OSBPL8: variants seen among roughly 807,000 people sequenced by gnomAD.
OSBPL8 encodes oxysterol-binding protein-related protein 8.
A neutral mutation model predicts 125.5 loss-of-function variants in OSBPL8; 59 were observed. The ratio of observed to expected loss-of-function variants is 0.47; its 90% CI spans 0.38 to 0.58. OSBPL8 has a LOEUF of 0.58. Ranked by LOEUF, OSBPL8 falls within the 20% of genes least tolerant of loss-of-function variation. OSBPL8 has a pLI of 0.00. For synonymous variants in OSBPL8, 330 were observed against 338.9 expected, an observed-to-expected ratio of 0.97 and a Z score of 0.29; for missense variants, 758 against 1,047.8, an observed-to-expected ratio of 0.72 and a Z score of 3.82.
At chr12:76,369,149 T>G (rs1163437741) in intron 21 of OSBPL8, 65 bp downstream of exon 21, 1 of 1,547,866 alleles carries the variant, frequency 6.5e-7, no homozygotes, top group Admixed American at 2.1e-5. Context: ...TTTTAGTTGG[T>G]TGCTATAGAT....
intron 2 of OSBPL8, among the ~76,000 whole-genome samples, chr12:76,485,776 C>A (rs1878062388): frequency 6.6e-6 from 1 of 152,104 alleles, no homozygotes; most frequent in Admixed American, 6.6e-5. Context: ...GAGCCTATTT[C>A]CCTACCTCTA....
At chr12:76,556,809 A>G (rs1401485347) in intron 1 of OSBPL8, among the ~76,000 whole-genome samples, 3 of 152,050 alleles carry the variant, frequency 2.0e-5, no homozygotes, top group African/African-American at 4.8e-5. Context: ...GATTACAGGC[A>G]CACACTGCCA....
At chr12:76,371,047 G>C (rs1952600820) in intron 19 of OSBPL8, among the ~76,000 whole-genome samples, 1 of 152,086 alleles carries the variant, frequency 6.6e-6, no homozygotes, top group African/African-American at 2.4e-5. Context: ...CTTTACTTTT[G>C]TATCAGAGAA....
intron 1 of OSBPL8, among the ~76,000 whole-genome samples, chr12:76,518,739 C>A (rs1217396141): frequency 2.6e-5 from 4 of 152,172 alleles, no homozygotes; most frequent in Non-Finnish European, 4.4e-5. Context: ...TGGCTTGCAC[C>A]CTCCAAAGAA....
At chr12:76,413,213 A>G (rs1868304768) in intron 4 of OSBPL8, among the ~76,000 whole-genome samples, 1 of 152,182 alleles carries the variant, frequency 6.6e-6, no homozygotes, top group Admixed American at 6.5e-5. Context: ...CCAAATCAAG[A>G]AATAGAGAAT....
chr12:76,514,207 C>T (rs1269338505), intron 1 of OSBPL8, among the ~76,000 whole-genome samples: 3 of 152,168 alleles, frequency 2.0e-5, no homozygotes, highest in East Asian at 1.9e-4. Flanking sequence ...TGCAGTGGCG[C>T]GATCTCAGCT....
chr12:76,438,742 T>C (rs888078403), intron 4 of OSBPL8, among the ~76,000 whole-genome samples: 12 of 152,338 alleles, frequency 7.9e-5, no homozygotes, highest in African/African-American at 2.6e-4. Context: ...ATAACAGTTT[T>C]CCTTCTTTGT....
intron 2 of OSBPL8, among the ~76,000 whole-genome samples, chr12:76,479,488 G>A (rs1454298331): frequency 6.6e-6 from 1 of 152,150 alleles, no homozygotes; most frequent in Admixed American, 6.5e-5. Flanking sequence ...GAATTCTAAT[G>A]TATACCACTA....
At chr12:76,363,266 A>G (rs1226474456) in intron 21 of OSBPL8, among the ~76,000 whole-genome samples, 2 of 152,230 alleles carry the variant, frequency 1.3e-5, no homozygotes, top group Non-Finnish European at 2.9e-5. Context: ...GCATCATGCT[A>G]CCTGATTTCA....
chr12:76,551,805 G>A (rs538592949), intron 1 of OSBPL8, among the ~76,000 whole-genome samples: 43 of 152,180 alleles, frequency 2.8e-4, no homozygotes, highest in Non-Finnish European at 5.7e-4. Flanking sequence ...CGACTACCTC[G>A]TCTATCCAGT....
chr12:76,514,973 T>C (rs1293498076), intron 1 of OSBPL8, among the ~76,000 whole-genome samples: 1 of 152,260 alleles, frequency 6.6e-6, no homozygotes, highest in African/African-American at 2.4e-5. Context: ...GAAATTCTTA[T>C]ACTGTGTTAT....
chr12:76,549,921 CAA>C (rs746849865), intron 1 of OSBPL8, among the ~76,000 whole-genome samples: 2 of 146,254 alleles, frequency 1.4e-5, no homozygotes, highest in Non-Finnish European at 1.5e-5. Context: ...CAAGCAGATG[CAA>C]AAAAAAAAAA....
intron 4 of OSBPL8, among the ~76,000 whole-genome samples, chr12:76,419,771 A>G (rs982760622): frequency 6.6e-6 from 1 of 152,214 alleles, no homozygotes. Context: ...AAAGTCTGTC[A>G]TATCTTTCTT....
intron 3 of OSBPL8, among the ~76,000 whole-genome samples, chr12:76,459,485 CAAAAT>C (rs1481895217): frequency 3.3e-5 from 5 of 152,140 alleles, no homozygotes; most frequent in African/African-American, 9.7e-5. Context: ...AAAATTCTGA[CAAAAT>C]AAAAGTGTTT....
chr12:76,447,194 G>A (rs1468342278), intron 4 of OSBPL8, among the ~76,000 whole-genome samples: 1 of 152,102 alleles, frequency 6.6e-6, no homozygotes, highest in Non-Finnish European at 1.5e-5. Flanking sequence ...ATTTTTGCAA[G>A]GTGCCAAATA....
chr12:76,467,494 T>C (rs577968047), intron 2 of OSBPL8, among the ~76,000 whole-genome samples: 1 of 152,386 alleles, frequency 6.6e-6, no homozygotes, highest in African/African-American at 2.4e-5. Context: ...GTATCAGAGA[T>C]AGTAATCAGC....
At chr12:76,535,916 G>A (rs1338120995) in intron 1 of OSBPL8, among the ~76,000 whole-genome samples, 1 of 152,104 alleles carries the variant, frequency 6.6e-6, no homozygotes, top group African/African-American at 2.4e-5. Context: ...GAGAATTTTG[G>A]GGACTGATGG....
chr12:76,551,349 A>C (rs564664765), intron 1 of OSBPL8, among the ~76,000 whole-genome samples: 1 of 152,310 alleles, frequency 6.6e-6, no homozygotes, highest in African/African-American at 2.4e-5. Context: ...ATCTGGCAAT[A>C]TCTTGAAACA....
intron 21 of OSBPL8, among the ~76,000 whole-genome samples, chr12:76,364,187 A>C (rs1161464541): frequency 6.6e-6 from 1 of 152,228 alleles, no homozygotes; most frequent in Non-Finnish European, 1.5e-5. Context: ...TCTACTATAA[A>C]GACACATGCA....
Sources: gnomAD v4.1 joint callset for allele counts (sites outside exome capture counted in the v4.1 genomes callset) on GRCh38, gnomAD v4.1.1 for gene constraint, MANE v1.5 for transcripts, NCBI Gene and HGNC (gene_info 2026-07-23, HGNC 2026-07-21) for gene names.